WDR44: variants seen among roughly 807,000 people sequenced by gnomAD.
The protein encoded by WDR44 is WD repeat domain 44, also known as WD repeat-containing protein 44.
Under a neutral mutation model 65.7 loss-of-function variants are expected in WDR44, and 9 were observed. The ratio of observed to expected loss-of-function variants is 0.14; its 90% CI spans 0.08 to 0.24. WDR44 has a LOEUF of 0.24. WDR44 is among the 10% of genes least tolerant of loss of function. WDR44 has a pLI of 1.00. For synonymous variants in WDR44, 220 were observed against 235.2 expected (o/e 0.94, Z 0.59); for missense variants, 425 against 670.9 (o/e 0.63, Z 4.05).
intron 19 of WDR44, chrX:118,447,032 AT>A (rs72106099): frequency 0.1 from 23,863 of 230,259 alleles, 19 homozygotes; most frequent in Admixed American, 0.12. Flanking sequence ...TGCCTGGCTA[AT>A]TTTTTTTTTT....
intron 2 of WDR44, chrX:118,386,565 A>G (rs1466626748): frequency 3.2e-6 from 1 of 314,140 alleles, no homozygotes; most frequent in Non-Finnish European, 6.0e-6. Context: ...GTAGAATTTT[A>G]AGAAAACTAT....
rs758712393 is a variant in WDR44 at position 118,413,577 on chromosome X, T to C, written c.1737+2618T>C. Among the ~76,000 whole-genome samples, 3 of 112,318 alleles carry C rather than the reference T, an allele frequency of 2.7e-5. No individual in the cohort carries two copies. The South Asian group carries it at 1.1e-3, about 41-fold the overall frequency. On this transcript the variant is annotated intron_variant, in intron 12 of 19. Transcript: ENST00000254029. ...GTTTGAGTTTGTTGTTCATTCTGGA[T>C]ATTAGTTAGTCCTTAGTTGGATGTA...
intron 12 of WDR44, among the ~76,000 whole-genome samples, chrX:118,413,344 C>T (rs759294975): frequency 1.8e-5 from 2 of 111,971 alleles, no homozygotes; most frequent in Non-Finnish European, 3.8e-5. Flanking sequence ...ACCACATCCA[C>T]GCCAACATCT....
At chrX:118,442,712 A>T in intron 17 of WDR44, 32 bp downstream of exon 17, 1 of 1,104,419 alleles carries the variant, frequency 9.1e-7, no homozygotes, top group East Asian at 3.0e-5. Flanking sequence ...CCCAAAAGAG[A>T]TCAGGACATT....
intron 1 of WDR44, among the ~76,000 whole-genome samples, chrX:118,363,800 G>A (rs2056531555): frequency 8.9e-6 from 1 of 112,075 alleles, no homozygotes; most frequent in Admixed American, 9.5e-5. Flanking sequence ...CAAAAAGTAA[G>A]GTCAAAAGGC....
chrX:118,426,225 T>C (rs1329142177), intron 12 of WDR44, among the ~76,000 whole-genome samples: 1 of 111,700 alleles, frequency 9.0e-6, no homozygotes, highest in Non-Finnish European at 1.9e-5. Context: ...ACTGATAAAA[T>C]TATTAGTGTC....
chrX:118,375,695 G>A (rs2056653707), intron 1 of WDR44, among the ~76,000 whole-genome samples: 1 of 111,327 alleles, frequency 9.0e-6, no homozygotes, highest in Admixed American at 9.6e-5. Context: ...TTGATACATT[G>A]CAGTGTAAGT....
chrX:118,373,423 A>C (rs2056631266), intron 1 of WDR44, among the ~76,000 whole-genome samples: 1 of 111,558 alleles, frequency 9.0e-6, no homozygotes, highest in African/African-American at 3.3e-5. Flanking sequence ...ATTATCAAAA[A>C]TTTGGCACTC....
At chrX:118,443,861 G>A (rs938235077) in intron 18 of WDR44, among the ~76,000 whole-genome samples, 174 bp downstream of exon 18, 8 of 110,856 alleles carry the variant, frequency 7.2e-5, no homozygotes, top group African/African-American at 2.3e-4. Flanking sequence ...TGGCTAACAC[G>A]GTGAAACTCT....
chrX:118,414,197 T>C (rs1013013667), intron 12 of WDR44, among the ~76,000 whole-genome samples: 1 of 109,823 alleles, frequency 9.1e-6, no homozygotes. Context: ...AATTGTTTTT[T>C]CTAATTCTGT....
At position 118,393,083 on chromosome X, in the gene WDR44, A is replaced by G. The variant is rs1305632877; in HGVS notation, c.638A>G (p.Lys213Arg). 1 of 1,210,381 alleles carries G rather than the reference A, an allele frequency of 8.3e-7. No individual in the cohort carries two copies. The highest frequency in any genetic ancestry group is 1.1e-6 in the Non-Finnish European group (1 of 895,325). Residue 213 changes from lysine to arginine, a missense_variant, in exon 4 of 20, where the codon AAA (lysine) becomes AGA (arginine). Transcript: ENST00000254029. Reference protein sequence around the residue: ...FAAVEEVAPAKPPRHLTPEPD... With the variant: ...FAAVEEVAPARPPRHLTPEPD... ...GCTGTGGAAGAAGTGGCCCCTGCCAAACCCCCAAGACACCTTACTCCAGAG... is the reference window on the plus strand; with the variant it reads ...GCTGTGGAAGAAGTGGCCCCTGCCAGACCCCCAAGACACCTTACTCCAGAG...
At position 118,393,008 on chromosome X, in the gene WDR44, A is replaced by T. The variant is rs746300561; in HGVS notation, c.563A>T (p.Asp188Val). ...GCAGTGGAAGTCAAAGGAGGTGGTGATGTTTTAGAGCCTGTGTCCTCAGAC... is the reference window on the plus strand; with the variant it reads ...GCAGTGGAAGTCAAAGGAGGTGGTGTTGTTTTAGAGCCTGTGTCCTCAGAC... Reference protein sequence around the residue: ...KEAVEVKGGGDVLEPVSSDSL... With the variant: ...KEAVEVKGGGVVLEPVSSDSL... The change falls in exon 4 of 20, where the codon GAT (aspartate) becomes GTT (valine). Residue 188 changes from aspartate (D) to valine (V), a missense_variant. By Grantham distance (152) the Asp-to-Val change is radical. This residue lies in a region of WDR44 where 193 missense variants were observed against 209.0 expected (regional missense o/e 0.92). Transcript: ENST00000254029. 1 of 1,212,230 alleles carries T rather than the reference A, an allele frequency of 8.2e-7. No homozygotes were observed.
rs1213083479 is a variant in WDR44, at chrX:118,438,797, G to GTTTTTTTT, written c.1974+1987_1974+1994dup. On this transcript the variant is annotated intron_variant, in intron 14 of 19. Coordinates refer to ENST00000254029, the MANE Select transcript of WDR44 (RefSeq NM_019045.5). Reference sequence around the variant, plus strand: ...TTTATTAAACTTTCTGTTCAGCCATGTTTTTTTTTTTTTTTTTTTTTGAAG... The same window carrying GTTTTTTTT: ...TTTATTAAACTTTCTGTTCAGCCATGTTTTTTTTTTTTTTTTTTTTTTTTTTTTTGAAG... 2.5e-4 allele frequency among the ~76,000 whole-genome samples: 16 copies of GTTTTTTTT among 64,044 alleles called. 2 individuals are homozygous for GTTTTTTTT. Among genetic ancestry groups the GTTTTTTTT allele is most frequent in the East Asian group, 1.9e-3 (3 of 1,589 alleles). The allele number at this position is 64,044 out of a possible 115,157, so 55.6% of individuals were successfully genotyped here. A position where few individuals can be genotyped will look rare whatever the true frequency, so the allele number is the denominator to read the frequency against.
intron 8 of WDR44, among the ~76,000 whole-genome samples, chrX:118,402,692 G>T (rs1391395522): frequency 9.0e-6 from 1 of 111,283 alleles, no homozygotes; most frequent in Non-Finnish European, 1.9e-5. Flanking sequence ...AGGCTGCAGT[G>T]AGCCAAAATC....
intron 19 of WDR44, chrX:118,447,120 T>G (rs1376400615): frequency 3.1e-6 from 1 of 324,196 alleles, no homozygotes; most frequent in Admixed American, 3.2e-5. Flanking sequence ...AAAAGGTTAG[T>G]CCTACTTTGG....
intron 12 of WDR44, among the ~76,000 whole-genome samples, chrX:118,417,147 C>G (rs4825578): frequency 0.44 from 48,270 of 110,917 alleles, 10,834 homozygotes; most frequent in African/African-American, 0.86. Context: ...TATCTTTTAA[C>G]TGGAGCATTT....
chrX:118,392,237 A>G (rs1489416071), intron 3 of WDR44, among the ~76,000 whole-genome samples: 3 of 112,291 alleles, frequency 2.7e-5, no homozygotes, highest in Non-Finnish European at 5.6e-5. Context: ...CAAGTTTGGC[A>G]TAAATATGTA....
At chrX:118,404,858 A>C (rs1364511223) in intron 9 of WDR44, among the ~76,000 whole-genome samples, 2 of 109,012 alleles carry the variant, frequency 1.8e-5, no homozygotes, top group African/African-American at 6.7e-5. Context: ...CTGCCACCAC[A>C]CCTGGCTAAT....
At chrX:118,428,663 A>C (rs935939396) in intron 12 of WDR44, among the ~76,000 whole-genome samples, 1 of 111,809 alleles carries the variant, frequency 8.9e-6, no homozygotes, top group African/African-American at 3.3e-5. Flanking sequence ...AAAGACCTAG[A>C]ACCAGAAATA....
Sources: allele counts gnomAD v4.1 joint callset (sites outside exome capture counted in the v4.1 genomes callset), GRCh38; gene constraint gnomAD v4.1.1; regional missense constraint gnomAD v4.1.1; transcripts MANE v1.5; gene names NCBI Gene and HGNC (gene_info 2026-07-23, HGNC 2026-07-21).